ZNF704: variants seen among roughly 807,000 people sequenced by gnomAD.
ZNF704 encodes zinc finger protein 704, also known as glucocorticoid induced gene 1.
A neutral mutation model predicts 44.7 loss-of-function variants in ZNF704; 10 were observed. That is an observed-to-expected ratio of 0.22 (90% CI 0.14 to 0.38). The LOEUF (loss-of-function observed/expected upper bound fraction) is 0.38. Ranked by LOEUF, ZNF704 falls within the 10% of genes least tolerant of loss-of-function variation. ZNF704 has a pLI of 1.00. For missense variants in ZNF704, 390 were observed against 545.5 expected, an observed-to-expected ratio of 0.71 and a Z score of 2.84; for synonymous variants, 211 against 207.6, an observed-to-expected ratio of 1.02 and a Z score of -0.14.
rs188243376 is a variant in ZNF704 at position 80,687,585 on chromosome 8, T to G, written c.326-127A>C. ...AGCCCTCTCAATCATCTGCAACAGC[T>G]GGGTATGTAAGTTTTTGTTCTATTT... On this transcript the variant is annotated intron_variant, in intron 3 of 8. Transcript: ENST00000327835. 1.1e-3 allele frequency: 699 copies of G among 659,714 alleles called. 5 individuals are homozygous for G. The African/African-American group carries it at 0.011, about 10-fold the overall frequency. The allele number at this position is 659,714 out of a possible 1,614,324, so 40.9% of individuals were successfully genotyped here.
chr8:80,694,831 A>T (rs11997920), intron 2 of ZNF704, among the ~76,000 whole-genome samples: 8,119 of 152,228 alleles, frequency 0.053, 740 homozygotes, highest in African/African-American at 0.18. Context: ...TTCTTCAATA[A>T]TTCTTCTCAA....
At chr8:80,665,504 T>C (rs747985996) in intron 5 of ZNF704, among the ~76,000 whole-genome samples, 3 of 122,912 alleles carry the variant, frequency 2.4e-5, no homozygotes, top group East Asian at 2.4e-4. Flanking sequence ...AGTGAAATAA[T>C]AGACATTAGA....
chr8:80,676,994 G>C (rs866770819), intron 4 of ZNF704, among the ~76,000 whole-genome samples: 7 of 152,216 alleles, frequency 4.6e-5, no homozygotes, highest in South Asian at 2.1e-4. Context: ...CCCCGCCTTA[G>C]AGAGTGGGAA....
chr8:80,788,145 ATAAT>A (rs1807645522), intron 2 of ZNF704, among the ~76,000 whole-genome samples: 1 of 152,230 alleles, frequency 6.6e-6, no homozygotes, highest in South Asian at 2.1e-4. Flanking sequence ...AAGTGTTGCA[ATAAT>A]TAGAGTAGTT....
chr8:80,848,861 A>T (rs762271393), intron 1 of ZNF704, among the ~76,000 whole-genome samples: 2 of 152,214 alleles, frequency 1.3e-5, no homozygotes, highest in Admixed American at 6.5e-5. Context: ...AGGTAAATCA[A>T]TAAAGGCACA....
intron 1 of ZNF704, among the ~76,000 whole-genome samples, chr8:80,858,577 A>T (rs554205557): frequency 1.3e-5 from 2 of 152,276 alleles, no homozygotes; most frequent in South Asian, 4.1e-4. Context: ...TACCAAAAAT[A>T]CAAAAATTAG....
At chr8:80,841,116 GAA>G (rs1808670598) in intron 1 of ZNF704, among the ~76,000 whole-genome samples, 1 of 152,216 alleles carries the variant, frequency 6.6e-6, no homozygotes, top group Non-Finnish European at 1.5e-5. Flanking sequence ...CTGAAAGCTA[GAA>G]CTTCCACCAC....
chr8:80,675,811 G>T (rs1818356107), intron 4 of ZNF704, among the ~76,000 whole-genome samples: 1 of 152,132 alleles, frequency 6.6e-6, no homozygotes, highest in Non-Finnish European at 1.5e-5. Context: ...CAGGACACTG[G>T]ATATGTGAAC....
At chr8:80,719,707 C>T (rs1819132454) in intron 2 of ZNF704, among the ~76,000 whole-genome samples, 1 of 152,156 alleles carries the variant, frequency 6.6e-6, no homozygotes, top group South Asian at 2.1e-4. Flanking sequence ...CACACAGATG[C>T]TTGTCACTGT....
chr8:80,882,103 A>G, the ZNF704 span, among the ~76,000 whole-genome samples: 2 of 152,204 alleles, frequency 1.3e-5, no homozygotes, highest in Non-Finnish European at 2.9e-5. Context: ...AGAAAGTATT[A>G]TATACCTTTT....
intron 2 of ZNF704, among the ~76,000 whole-genome samples, chr8:80,746,089 C>T (rs1006566603): frequency 3.9e-5 from 6 of 152,114 alleles, no homozygotes; most frequent in African/African-American, 1.2e-4. Flanking sequence ...TAAAATTAAA[C>T]AAATGTCTAC....
Position 80,642,396 on chromosome 8 carries a change from G to T in ZNF704, c.1127+639C>A, listed in dbSNP as rs11998434. On this transcript the variant is annotated intron_variant, in intron 8 of 8. Coordinates refer to ENST00000327835, the MANE Select transcript of ZNF704 (RefSeq NM_001033723.3). ...GGGTCCATTATTAAGTAAAAGAAGG[G>T]TTACTTGAACACAAGTACAGTTCGT... Among the ~76,000 whole-genome samples the T allele has an allele frequency of 2.2e-3, 337 of 152,252 alleles. 3 individuals are homozygous for T. Among genetic ancestry groups the T allele is most frequent in the African/African-American group, 7.8e-3 (324 of 41,546 alleles).
chr8:80,686,607 G>A (rs1264840837), intron 4 of ZNF704, among the ~76,000 whole-genome samples: 1 of 151,862 alleles, frequency 6.6e-6, no homozygotes, highest in East Asian at 1.9e-4. Context: ...TGCACAGGCT[G>A]GTCTCCAACT....
intron 2 of ZNF704, chr8:80,812,341 AC>A: frequency 5.3e-6 from 1 of 189,304 alleles, no homozygotes. Context: ...GCAGTGTCAT[AC>A]CACATCTCTC....
At chr8:80,873,656 A>C in intron 1 of ZNF704, 1 of 152,600 alleles carries the variant, frequency 6.6e-6, no homozygotes, top group African/African-American at 2.5e-5. Context: ...CTCGACGACC[A>C]CCTCCTCGTC....
chr8:80,629,640 A>T lies in ZNF704; in HGVS notation c.*11726T>A, dbSNP rs141339210. 2.4e-4 allele frequency: 36 copies of T among 152,294 alleles called. 1 individual carries two copies. In the East Asian group the frequency reaches 6.2e-3, roughly 26 times the overall value. The allele number at this position is 152,294 out of a possible 1,614,324, so 9.4% of individuals were successfully genotyped here. A position where few individuals can be genotyped will look rare whatever the true frequency, so the allele number is the denominator to read the frequency against. On this transcript the variant is annotated 3_prime_UTR_variant, in exon 9 of 9. Transcript: ENST00000327835. Reference sequence around the variant, plus strand: ...ACAAGAGGGCTGAAGAAATTTGTGGATATTCTATATAGACTTTCCAAAATA... The same window carrying T: ...ACAAGAGGGCTGAAGAAATTTGTGGTTATTCTATATAGACTTTCCAAAATA...
chr8:80,760,682 A>C (rs1032274475), intron 2 of ZNF704, among the ~76,000 whole-genome samples: 19 of 151,752 alleles, frequency 1.3e-4, no homozygotes, highest in South Asian at 4.2e-4. Context: ...AAACCAAAAA[A>C]CAAAAAACAA....
At chr8:80,793,093 T>C (rs943441455) in intron 2 of ZNF704, among the ~76,000 whole-genome samples, 2 of 152,190 alleles carry the variant, frequency 1.3e-5, no homozygotes, top group Non-Finnish European at 2.9e-5. Flanking sequence ...TGACTAAAAA[T>C]GGCACATATG....
chr8:80,645,420 A>G (rs1817814650), intron 7 of ZNF704, among the ~76,000 whole-genome samples: 1 of 152,168 alleles, frequency 6.6e-6, no homozygotes, highest in African/African-American at 2.4e-5. Context: ...TTCAACGTAA[A>G]GGAATGCACA....
Sources: allele counts gnomAD v4.1 joint callset (sites outside exome capture counted in the v4.1 genomes callset), GRCh38; gene constraint gnomAD v4.1.1; transcripts MANE v1.5; gene names NCBI Gene and HGNC (gene_info 2026-07-23, HGNC 2026-07-21).